The following ARMCX4 variants were observed in gnomAD, a reference collection of about 807,000 sequenced individuals.
The protein encoded by ARMCX4 is armadillo repeat-containing X-linked protein 4.
Under a neutral mutation model 34.7 loss-of-function variants are expected in ARMCX4, and 3 were observed. That is an observed-to-expected ratio of 0.09 (90% confidence interval 0.04 to 0.22). The LOEUF (loss-of-function observed/expected upper bound fraction) is 0.22, where lower values mean the gene tolerates loss of function less well. Ranked by LOEUF, ARMCX4 falls within the 10% of genes least tolerant of loss-of-function variation. ARMCX4 has a pLI of 1.00. For missense variants in ARMCX4, 1,448 were observed against 1,720.8 expected (o/e 0.84, Z 2.81); for synonymous variants, 513 against 632.8 (o/e 0.81, Z 2.84).
intron 11 of ARMCX4, among the ~76,000 whole-genome samples, chrX:101,517,594 T>C (rs938113164): frequency 4.5e-5 from 5 of 111,966 alleles, no homozygotes; most frequent in African/African-American, 1.6e-4. Flanking sequence ...CATTTACTTT[T>C]GTATTTTGAA....
At chrX:101,518,797 G>A (rs782191565) in intron 11 of ARMCX4, among the ~76,000 whole-genome samples, 49 of 111,071 alleles carry the variant, frequency 4.4e-4, no homozygotes, top group African/African-American at 1.2e-3. Flanking sequence ...AGTTAAATTC[G>A]AAGCTTAGCT....
chrX:101,495,599 C>A lies in ARMCX4; in HGVS notation c.*137C>A, dbSNP rs1556011666. On this transcript the variant is annotated 3_prime_UTR_variant, in exon 6 of 6. Coordinates refer to ENST00000423738, the MANE Select transcript of ARMCX4 (RefSeq NM_001256155.3). ...CTATAGCTGGACCATTTTATGAACA[C>A]CAAATGAATTCAAGCTTGTACTAAA... 2 of 541,994 alleles carry A rather than the reference C, an allele frequency of 3.7e-6. No homozygotes were observed. Among genetic ancestry groups the A allele is most frequent in the African/African-American group, 4.7e-5 (2 of 42,398 alleles). The allele number at this position is 541,994 out of a possible 1,213,427, so 44.7% of individuals were successfully genotyped here. A position where few individuals can be genotyped will look rare whatever the true frequency, so the allele number is the denominator to read the frequency against.
chrX:101,522,616 C>A (rs1173721139), intron 11 of ARMCX4, among the ~76,000 whole-genome samples: 1 of 111,512 alleles, frequency 9.0e-6, no homozygotes, highest in Non-Finnish European at 1.9e-5. Context: ...CCTAGTGTAC[C>A]ATTTTCATTC....
Position 101,526,377 on chromosome X carries a change from A to C in ARMCX4, c.*1781-5267A>C, listed in dbSNP as rs376495112. On this transcript the variant is annotated intron_variant and NMD_transcript_variant, in intron 11 of 12. Coordinates refer to the ARMCX4 transcript ENST00000354842. ...ACAACCGGTACCAGCCACTGCAAAAACATGCCAAATTGTAAAGACCATTGA... is the reference window on the plus strand; with the variant it reads ...ACAACCGGTACCAGCCACTGCAAAACCATGCCAAATTGTAAAGACCATTGA... Among the ~76,000 whole-genome samples, 4 of 112,090 alleles carry C rather than the reference A, an allele frequency of 3.6e-5. No individual in the cohort carries two copies. The East Asian group carries it at 1.1e-3, about 32-fold the overall frequency.
In ARMCX4 at chrX:101,494,185, G is replaced by A; in HGVS notation, c.5596G>A (p.Gly1866Arg). 8.7e-7 allele frequency: 1 copy of A among 1,147,603 alleles called. No homozygotes were observed. The highest frequency in any genetic ancestry group is 3.3e-5 in the East Asian group (1 of 30,709). 94.6% of individuals were successfully genotyped at this position (1,147,603 alleles called of 1,213,427 possible). The change falls in exon 6 of 6, where the codon GGG becomes AGG. Residue 1866 changes from glycine (G) to arginine (R), a missense_variant. Transcript: ENST00000423738. ...GDATTVESRL[G>R]AGEEAGVESW... Reference sequence around the variant, plus strand: ...TGCAACCACTGTAGAGTCTAGGCTTGGGGCTGGGGAAGAGGCTGGTGTAGA... The same window carrying A: ...TGCAACCACTGTAGAGTCTAGGCTTAGGGCTGGGGAAGAGGCTGGTGTAGA...
At position 101,494,711 on chromosome X, in the gene ARMCX4, G is replaced by A. The variant is rs1934138796; in HGVS notation, c.6122G>A (p.Arg2041Gln). The change falls in exon 6 of 6, where the codon CGA (arginine) becomes CAA (glutamine). Residue 2041 changes from arginine (R) to glutamine (Q), a missense_variant. Physicochemically the swap from Arg to Gln is conservative, Grantham distance 43. Coordinates refer to ENST00000423738, the MANE Select transcript of ARMCX4 (RefSeq NM_001256155.3). The stretch of plus-strand genomic sequence containing the variant: ...AAACACGAAGCTAATATGGATCCAC[G>A]AGATCTTGAAAAACTCATTTGCATG... ...RCKHEANMDP[R>Q]DLEKLICMIE... is the part of the protein sequence containing the mutation. 3 of 1,155,223 alleles carry A rather than the reference G, an allele frequency of 2.6e-6. No homozygotes were observed. The highest frequency in any genetic ancestry group is 2.3e-6 in the Non-Finnish European group (2 of 872,380).
chrX:101,493,091 G>A lies in ARMCX4; in HGVS notation c.4502G>A (p.Gly1501Asp), dbSNP rs5991911. 1 of 1,153,389 alleles carries A rather than the reference G, an allele frequency of 8.7e-7. No homozygotes were observed. The highest frequency in any genetic ancestry group is 1.9e-5 in the South Asian group (1 of 52,527). ...CAGTCTAGTGGAGATTCCTGGGCTG[G>A]CACTGGGGACCAGGCCAGTGGATGG... ...RDQSSGDSWA[G>D]TGDQASGWFC... The change falls in exon 6 of 6, where the codon GGC (glycine) becomes GAC (aspartate). Residue 1501 changes from glycine to aspartate, a missense_variant. Physicochemically the swap from Gly to Asp is moderately conservative, Grantham distance 94. Transcript: ENST00000423738.
intron 4 of ARMCX4, among the ~76,000 whole-genome samples, chrX:101,455,284 A>G (rs1316352915): frequency 1.8e-5 from 2 of 112,121 alleles, no homozygotes; most frequent in East Asian, 5.6e-4. Flanking sequence ...ACATATAATT[A>G]CAGAACACAT....
downstream of ARMCX4, chrX:101,495,822 C>A: frequency 7.3e-6 from 1 of 137,492 alleles, no homozygotes; most frequent in Non-Finnish European, 1.5e-5. Flanking sequence ...TTGTCCTTGT[C>A]CTTGAGTTTA....
chrX:101,442,104 G>A (rs782792344), intron 2 of ARMCX4, among the ~76,000 whole-genome samples: 1 of 112,425 alleles, frequency 8.9e-6, no homozygotes, highest in Non-Finnish European at 1.9e-5. Context: ...TGTAAGCATG[G>A]TATATCTTCT....
chrX:101,496,988 A>C (rs782497830), downstream of ARMCX4, among the ~76,000 whole-genome samples: 2 of 112,366 alleles, frequency 1.8e-5, no homozygotes, highest in African/African-American at 6.5e-5. Flanking sequence ...TTGGCTAAGC[A>C]AATTGATGTA....
chrX:101,464,170 C>T (rs1294240995), intron 4 of ARMCX4, among the ~76,000 whole-genome samples: 4 of 109,366 alleles, frequency 3.7e-5, no homozygotes, highest in Admixed American at 9.7e-5. Flanking sequence ...GTCAGGAGTT[C>T]GAGACCAGCT....
intron 4 of ARMCX4, among the ~76,000 whole-genome samples, chrX:101,462,501 G>A (rs1556001359): frequency 9.2e-6 from 1 of 108,747 alleles, no homozygotes; most frequent in Admixed American, 9.9e-5. Context: ...TTAGCTGGGC[G>A]TGGTGATGCG....
chrX:101,492,021 T>C lies in ARMCX4; in HGVS notation c.3432T>C (p.Ala1144=). The change falls in exon 6 of 6, where the codon GCT becomes GCC. Residue 1144 remains alanine (A), a synonymous_variant. Coordinates refer to ENST00000423738, the MANE Select transcript of ARMCX4 (RefSeq NM_001256155.3). ...CCAGTATTGGGTCCTGGAGTGGGGC[T>C]AGTGATAAGGCTGGGATTATTCGGT... The part of the protein sequence containing the change: ...NEASIGSWSG[A]SDKAGIIRSW... 1.7e-6 allele frequency: 2 copies of C among 1,155,041 alleles called. No homozygotes were observed. Among genetic ancestry groups the C allele is most frequent in the Non-Finnish European group, 2.3e-6 (2 of 872,158 alleles).
chrX:101,453,145 G>T (rs1932084388), intron 4 of ARMCX4, among the ~76,000 whole-genome samples: 1 of 111,214 alleles, frequency 9.0e-6, no homozygotes, highest in Non-Finnish European at 1.9e-5. Flanking sequence ...TTATTATGGT[G>T]CTTCATTTTG....
chrX:101,503,299 G>C (rs868940885), intron 7 of ARMCX4, among the ~76,000 whole-genome samples: 83 of 110,704 alleles, frequency 7.5e-4, no homozygotes, highest in Non-Finnish European at 6.8e-4. Flanking sequence ...GGGTATATAC[G>C]CAGTAATGGG....
chrX:101,431,878 T>C (rs1308530825), intron 2 of ARMCX4, among the ~76,000 whole-genome samples: 1 of 112,125 alleles, frequency 8.9e-6, no homozygotes, highest in Non-Finnish European at 1.9e-5. Context: ...ATAGTGATTG[T>C]TTTCTTTTCT....
At chrX:101,511,310 TC>T (rs1934575938) in intron 11 of ARMCX4, among the ~76,000 whole-genome samples, 1 of 111,605 alleles carries the variant, frequency 9.0e-6, no homozygotes, top group Admixed American at 9.5e-5. Context: ...GGGGATTTTT[TC>T]CCCTACTCTT....
downstream of ARMCX4, among the ~76,000 whole-genome samples, chrX:101,499,660 A>T (rs1197778905): frequency 3.6e-5 from 4 of 112,139 alleles, no homozygotes; most frequent in Non-Finnish European, 7.5e-5. Context: ...TGTAAATACC[A>T]CAATGCACTG....
Sources: gnomAD v4.1 joint callset for allele counts (sites outside exome capture counted in the v4.1 genomes callset) on GRCh38, gnomAD v4.1.1 for gene constraint, MANE v1.5 for transcripts, NCBI Gene and HGNC (gene_info 2026-07-23, HGNC 2026-07-21) for gene names.